Variants in ANGPT1 observed in about 807,000 individuals in gnomAD.
The protein encoded by ANGPT1 is angiopoietin 1.
ANGPT1 carries 17 observed loss-of-function variants against 62.2 expected under a neutral mutation model. That is an observed-to-expected ratio of 0.27 (90% CI 0.19 to 0.41). ANGPT1 has a LOEUF of 0.41. Among genes scored for constraint, ANGPT1 ranks in the 10% least tolerant of loss-of-function variants. ANGPT1 has a pLI of 1.00. For missense variants in ANGPT1, 478 were observed against 594.9 expected, an observed-to-expected ratio of 0.80 and a Z score of 2.04; for synonymous variants, 199 against 198.9, an observed-to-expected ratio of 1.00 and a Z score of 0.00.
chr8:107,315,561 A>G (rs1388569011), intron 4 of ANGPT1, among the ~76,000 whole-genome samples: 1 of 152,076 alleles, frequency 6.6e-6, no homozygotes, highest in Non-Finnish European at 1.5e-5. Context: ...AACATCCTTC[A>G]TAACTGTCCT....
At chr8:107,437,544 A>T in intron 1 of ANGPT1, among the ~76,000 whole-genome samples, 1 of 152,206 alleles carries the variant, frequency 6.6e-6, no homozygotes, top group Non-Finnish European at 1.5e-5. Flanking sequence ...CCATGCTTAG[A>T]AGATGGGCAG....
chr8:107,276,713 G>C (rs1052721009), intron 7 of ANGPT1, among the ~76,000 whole-genome samples: 3 of 152,090 alleles, frequency 2.0e-5, no homozygotes, highest in African/African-American at 7.2e-5. Flanking sequence ...ACTTAGAAAA[G>C]TGAAGCAAAT....
At chr8:107,351,915 G>T (rs77467201) in intron 1 of ANGPT1, among the ~76,000 whole-genome samples, 1 of 152,054 alleles carries the variant, frequency 6.6e-6, no homozygotes, top group Non-Finnish European at 1.5e-5. Flanking sequence ...TTACAAATAC[G>T]CAGTTCATTG....
At chr8:107,282,642 T>G (rs909809064) in intron 7 of ANGPT1, among the ~76,000 whole-genome samples, 2 of 141,430 alleles carry the variant, frequency 1.4e-5, no homozygotes, top group Non-Finnish European at 3.0e-5. Flanking sequence ...GAAATTAAAT[T>G]GTTACATTTC....
Position 107,349,623 on chromosome 8 carries a change from A to G in ANGPT1, c.298-2526T>C, listed in dbSNP as rs1241599661. 2.6e-5 allele frequency among the ~76,000 whole-genome samples: 4 copies of G among 152,120 alleles called. No homozygotes were observed. The East Asian group carries it at 7.7e-4, about 29-fold the overall frequency. On this transcript the variant is annotated intron_variant, in intron 1 of 8. Coordinates refer to ENST00000517746, the MANE Select transcript of ANGPT1 (RefSeq NM_001146.5). ...TTTATAATCACACTTAAACTTCACAATTATATATGTTATAGCTGCTTTATA... is the reference window on the plus strand; with the variant it reads ...TTTATAATCACACTTAAACTTCACAGTTATATATGTTATAGCTGCTTTATA...
chr8:107,285,443 T>C (rs1814116596), intron 6 of ANGPT1, among the ~76,000 whole-genome samples: 1 of 152,082 alleles, frequency 6.6e-6, no homozygotes, highest in East Asian at 1.9e-4. Flanking sequence ...AACTTTCTTA[T>C]TTTTAAATAT....
intron 1 of ANGPT1, among the ~76,000 whole-genome samples, chr8:107,393,540 C>G (rs1288783513): frequency 2.0e-5 from 3 of 152,056 alleles, no homozygotes; most frequent in African/African-American, 7.2e-5. Flanking sequence ...TTGGGTGCAG[C>G]GGCTCACGCC....
At chr8:107,268,867 T>C (rs1366472447) in intron 7 of ANGPT1, among the ~76,000 whole-genome samples, 1 of 152,026 alleles carries the variant, frequency 6.6e-6, no homozygotes, top group Non-Finnish European at 1.5e-5. Flanking sequence ...AAGGGACTGA[T>C]ATATTGAGGA....
chr8:107,496,027 G>C (rs1813084687), intron 1 of ANGPT1, among the ~76,000 whole-genome samples: 1 of 152,132 alleles, frequency 6.6e-6, no homozygotes, highest in Non-Finnish European at 1.5e-5. Context: ...CTATTACTTG[G>C]CATGATTCAG....
intron 1 of ANGPT1, among the ~76,000 whole-genome samples, chr8:107,351,828 C>T (rs1210881456): frequency 6.6e-6 from 1 of 151,972 alleles, no homozygotes; most frequent in Non-Finnish European, 1.5e-5. Context: ...TATTTTCTTG[C>T]CAACCATTGT....
At chr8:107,428,547 C>T (rs1472715866) in intron 1 of ANGPT1, among the ~76,000 whole-genome samples, 1 of 152,168 alleles carries the variant, frequency 6.6e-6, no homozygotes, top group Admixed American at 6.5e-5. Context: ...GGTCATCCCA[C>T]ACACTGTTTT....
rs182682921 is a variant in ANGPT1 at position 107,260,075 on chromosome 8, C to T, written c.1336+4146G>A. 3.7e-3 allele frequency among the ~76,000 whole-genome samples: 556 copies of T among 152,008 alleles called. 5 individuals are homozygous for T. The highest frequency in any genetic ancestry group is 0.011 in the African/African-American group (455 of 41,452). On this transcript the variant is annotated intron_variant, in intron 8 of 8. Coordinates refer to ENST00000517746, the MANE Select transcript of ANGPT1 (RefSeq NM_001146.5). Reference sequence around the variant, plus strand: ...CTCATTTGTTTAATAGTAATTAACCCCCTTAAACTGATAGAAGAAAGCCAA... The same window carrying T: ...CTCATTTGTTTAATAGTAATTAACCTCCTTAAACTGATAGAAGAAAGCCAA...
At chr8:107,371,028 G>C (rs1289415142) in intron 1 of ANGPT1, among the ~76,000 whole-genome samples, 1 of 151,508 alleles carries the variant, frequency 6.6e-6, no homozygotes, top group Non-Finnish European at 1.5e-5. Flanking sequence ...AATAAAACAA[G>C]GTAGGCCTGT....
At chr8:107,347,377 C>G (rs1462048656) in intron 1 of ANGPT1, among the ~76,000 whole-genome samples, 1 of 152,176 alleles carries the variant, frequency 6.6e-6, no homozygotes, top group East Asian at 1.9e-4. Flanking sequence ...ATCCATTTAG[C>G]CTTTATAGCA....
chr8:107,492,322 C>A (rs1812980104), intron 1 of ANGPT1, among the ~76,000 whole-genome samples: 1 of 152,122 alleles, frequency 6.6e-6, no homozygotes, highest in Non-Finnish European at 1.5e-5. Context: ...TTATTAAAAT[C>A]ATACTTACTA....
chr8:107,266,670 G>A (rs545632698), intron 7 of ANGPT1, among the ~76,000 whole-genome samples: 8 of 151,980 alleles, frequency 5.3e-5, no homozygotes, highest in South Asian at 2.1e-4. Context: ...TCCTTTTTAC[G>A]GTAAGTCAAT....
At chr8:107,380,868 C>T (rs1163147735) in intron 1 of ANGPT1, among the ~76,000 whole-genome samples, 1 of 152,092 alleles carries the variant, frequency 6.6e-6, no homozygotes, top group East Asian at 1.9e-4. Flanking sequence ...CACTCTCTTA[C>T]CTGTGTTTGT....
chr8:107,299,443 C>CAT (rs1267868123), intron 5 of ANGPT1, among the ~76,000 whole-genome samples: 18 of 124,486 alleles, frequency 1.4e-4, no homozygotes, highest in South Asian at 2.7e-4. Context: ...ATATACTAAG[C>CAT]ATATATATAT....
chr8:107,358,012 A>T (rs1288347780), intron 1 of ANGPT1, among the ~76,000 whole-genome samples: 1 of 152,086 alleles, frequency 6.6e-6, no homozygotes, highest in Non-Finnish European at 1.5e-5. Context: ...CTTCTGAAAT[A>T]TCTTGTTTAT....
Sources: allele counts gnomAD v4.1 joint callset (sites outside exome capture counted in the v4.1 genomes callset), GRCh38; gene constraint gnomAD v4.1.1; transcripts MANE v1.5; gene names NCBI Gene and HGNC (gene_info 2026-07-23, HGNC 2026-07-21).